SOX5: variants seen among roughly 807,000 people sequenced by gnomAD.
SOX5 encodes transcription factor SOX-5.
A neutral mutation model predicts 92.0 loss-of-function variants in SOX5; 9 were observed. The observed-to-expected ratio is 0.10, with a 90% CI of 0.06 to 0.17. SOX5 has a LOEUF of 0.17. SOX5 is among the 10% of genes least tolerant of loss of function. The pLI is 1.00. For missense variants in SOX5, 642 were observed against 944.5 expected, an observed-to-expected ratio of 0.68 and a Z score of 4.20; for synonymous variants, 344 against 336.3, an observed-to-expected ratio of 1.02 and a Z score of -0.25.
chr12:24,349,985 C>A (rs770482981), intron 2 of SOX5, among the ~76,000 whole-genome samples: 13 of 152,056 alleles, frequency 8.5e-5, no homozygotes, highest in Non-Finnish European at 1.6e-4. Context: ...TTCTATCTAC[C>A]TTTGCTCATG....
chr12:23,794,341 A>T (rs1198998442), intron 3 of SOX5, among the ~76,000 whole-genome samples: 1 of 152,128 alleles, frequency 6.6e-6, no homozygotes, highest in Non-Finnish European at 1.5e-5. Flanking sequence ...TTCTCTTTAG[A>T]GTTTTCAAGA....
chr12:24,095,921 C>T (rs957184792), intron 4 of SOX5, among the ~76,000 whole-genome samples: 4 of 152,124 alleles, frequency 2.6e-5, no homozygotes, highest in Admixed American at 6.5e-5. Context: ...TGCTGAACTA[C>T]GAGTCAATTA....
At chr12:23,777,384 A>G (rs1394032905) in intron 3 of SOX5, among the ~76,000 whole-genome samples, 1 of 152,220 alleles carries the variant, frequency 6.6e-6, no homozygotes, top group Non-Finnish European at 1.5e-5. Context: ...TAAGACAGAC[A>G]GTAATCAGAA....
intron 2 of SOX5, among the ~76,000 whole-genome samples, chr12:24,348,618 G>C (rs1392497115): frequency 1.3e-5 from 2 of 151,996 alleles, no homozygotes; most frequent in Non-Finnish European, 2.9e-5. Flanking sequence ...CCTGACCTCA[G>C]GTGACTCTGC....
At chr12:23,701,503 T>G (rs1593421239) in intron 6 of SOX5, among the ~76,000 whole-genome samples, 1 of 152,080 alleles carries the variant, frequency 6.6e-6, no homozygotes, top group African/African-American at 2.4e-5. Flanking sequence ...CTTTAACACA[T>G]GAATCTTTAT....
chr12:23,848,208 G>A (rs2096595617), intron 2 of SOX5, among the ~76,000 whole-genome samples: 1 of 152,010 alleles, frequency 6.6e-6, no homozygotes, highest in Non-Finnish European at 1.5e-5. Context: ...CAATAATTGG[G>A]CAGCTGACCT....
chr12:23,735,160 A>G (rs2093542157), intron 5 of SOX5, among the ~76,000 whole-genome samples: 2 of 152,246 alleles, frequency 1.3e-5, no homozygotes, highest in South Asian at 4.1e-4. Context: ...AAGTATTGCA[A>G]GACACTGTAT....
At chr12:23,772,140 A>C (rs1311231999) in intron 3 of SOX5, among the ~76,000 whole-genome samples, 5 of 152,220 alleles carry the variant, frequency 3.3e-5, no homozygotes, top group Admixed American at 3.3e-4. Flanking sequence ...CAAATGTGAA[A>C]TTCTTGAATG....
chr12:24,489,586 T>C (rs981234977), intron 1 of SOX5, among the ~76,000 whole-genome samples: 4 of 152,050 alleles, frequency 2.6e-5, no homozygotes, highest in Non-Finnish European at 5.9e-5. Flanking sequence ...GCGATTTCAC[T>C]TGACAAAAAT....
At chr12:23,858,871 T>C (rs2096723437) in intron 2 of SOX5, among the ~76,000 whole-genome samples, 1 of 152,202 alleles carries the variant, frequency 6.6e-6, no homozygotes, top group Non-Finnish European at 1.5e-5. Context: ...CCCAAACTAA[T>C]ACTTTTATAA....
chr12:23,968,482 TGGGAGTGGGTTTGTTATCAC>T (rs1947845702), intron 4 of SOX5, among the ~76,000 whole-genome samples: 1 of 152,194 alleles, frequency 6.6e-6, no homozygotes, highest in Non-Finnish European at 1.5e-5. Flanking sequence ...GCTGTCATCG[TGGGAGTGGGTTTGTTATCAC>T]GGGAGTGGGT....
chr12:24,154,884 T>C (rs1451075747), intron 4 of SOX5, among the ~76,000 whole-genome samples: 1 of 152,104 alleles, frequency 6.6e-6, no homozygotes, highest in Non-Finnish European at 1.5e-5. Flanking sequence ...TAAACTTTAT[T>C]TGGAAAATTA....
chr12:23,961,938 A>G (rs932624542), intron 4 of SOX5, among the ~76,000 whole-genome samples: 17 of 152,188 alleles, frequency 1.1e-4, no homozygotes, highest in Non-Finnish European at 1.9e-4. Flanking sequence ...AAGAAACAAC[A>G]TGTAGTGAAG....
intron 4 of SOX5, among the ~76,000 whole-genome samples, chr12:24,195,854 T>G (rs1956960538): frequency 6.6e-6 from 1 of 152,120 alleles, no homozygotes; most frequent in African/African-American, 2.4e-5. Flanking sequence ...GCTTATATAG[T>G]CTCCATACAT....
chr12:24,466,480 C>T (rs1813553863), intron 1 of SOX5, among the ~76,000 whole-genome samples: 1 of 152,198 alleles, frequency 6.6e-6, no homozygotes, highest in South Asian at 2.1e-4. Flanking sequence ...TATAAGTCAT[C>T]TTGGTCCTCC....
chr12:23,578,143 A>AAAAAAAAAAAAAAAC (rs1321080744), intron 9 of SOX5, among the ~76,000 whole-genome samples: 6 of 126,112 alleles, frequency 4.8e-5, no homozygotes, highest in Non-Finnish European at 8.7e-5. Context: ...AAAAAAAAAA[A>AAAAAAAAAAAAAAAC]AAAAAAACTA....
At chr12:24,512,216 A>ACTCTG (rs1489861919) in intron 1 of SOX5, among the ~76,000 whole-genome samples, 1 of 152,184 alleles carries the variant, frequency 6.6e-6, no homozygotes, top group East Asian at 1.9e-4. Flanking sequence ...GTAAAGTGAT[A>ACTCTG]CTCTGTTAAG....
At position 23,575,530 on chromosome 12, in the gene SOX5, G is replaced by T. The variant is rs189913132; in HGVS notation, c.1342+131C>A. ...TTACATGTTTAAAACGGACCTAGGTGGTTCCTCAAATTGAAGCTGTCCTAT... is the reference window on the plus strand; with the variant it reads ...TTACATGTTTAAAACGGACCTAGGTTGTTCCTCAAATTGAAGCTGTCCTAT... On this transcript the variant is annotated intron_variant, in intron 10 of 14. Transcript: ENST00000451604. 4.0e-6 allele frequency: 3 copies of T among 745,390 alleles called. No individual in the cohort carries two copies. The African/African-American group carries it at 5.3e-5, about 13-fold the overall frequency. 46.2% of individuals were successfully genotyped at this position (745,390 alleles called of 1,614,324 possible).
chr12:23,538,305 T>C (rs1329534203), intron 13 of SOX5, among the ~76,000 whole-genome samples: 1 of 152,202 alleles, frequency 6.6e-6, no homozygotes. Context: ...AGATATTGTA[T>C]TGCATAGGTA....
Sources: allele counts gnomAD v4.1 joint callset (sites outside exome capture counted in the v4.1 genomes callset), GRCh38; gene constraint gnomAD v4.1.1; transcripts MANE v1.5; gene names NCBI Gene and HGNC (gene_info 2026-07-23, HGNC 2026-07-21).